ENTPD1: variants seen among roughly 807,000 people sequenced by gnomAD.
ENTPD1 encodes ATP diphosphohydrolase.
A neutral mutation model predicts 57.0 loss-of-function variants in ENTPD1; 33 were observed. The observed-to-expected ratio is 0.58, with a 90% confidence interval of 0.44 to 0.77. The LOEUF is 0.77. Among genes scored for constraint, ENTPD1 ranks in the 30% least tolerant of loss-of-function variants. The pLI, the probability that ENTPD1 is intolerant of heterozygous loss-of-function variation, is 0.00. For missense variants in ENTPD1, 501 were observed against 603.4 expected, an observed-to-expected ratio of 0.83 and a Z score of 1.78; for synonymous variants, 202 against 218.8, an observed-to-expected ratio of 0.92 and a Z score of 0.68.
chr10:95,810,771 C>A (rs1296280470), intron 1 of ENTPD1, among the ~76,000 whole-genome samples: 1 of 152,144 alleles, frequency 6.6e-6, no homozygotes, highest in Admixed American at 6.5e-5. Flanking sequence ...ATTCATCTTA[C>A]TAGTTTTGCT....
chr10:95,786,994 A>G (rs1278062015), intron 1 of ENTPD1, among the ~76,000 whole-genome samples: 1 of 152,186 alleles, frequency 6.6e-6, no homozygotes, highest in African/African-American at 2.4e-5. Context: ...ACAGCTGAGG[A>G]AACAAGGTAG....
intron 1 of ENTPD1, among the ~76,000 whole-genome samples, chr10:95,766,382 ATTTACT>A (rs2098088323): frequency 6.6e-6 from 1 of 152,146 alleles, no homozygotes; most frequent in South Asian, 2.1e-4. Flanking sequence ...GTTATCATAG[ATTTACT>A]TTTAACCTCA....
chr10:95,768,915 T>C (rs888667863), intron 1 of ENTPD1, among the ~76,000 whole-genome samples: 8 of 152,218 alleles, frequency 5.3e-5, no homozygotes, highest in Admixed American at 2.0e-4. Flanking sequence ...AAAAAGTATT[T>C]AAGGATGTAT....
At chr10:95,832,380 A>G (rs1037039806) in intron 2 of ENTPD1, among the ~76,000 whole-genome samples, 38 of 152,144 alleles carry the variant, frequency 2.5e-4, no homozygotes, top group Admixed American at 2.4e-3. Flanking sequence ...TGTGAGACAC[A>G]ATGAGAACTT....
intron 9 of ENTPD1, 91 bp downstream of exon 9, chr10:95,864,952 ATGGTGT>A (rs1566257408): frequency 1.4e-6 from 2 of 1,450,416 alleles, no homozygotes; most frequent in African/African-American, 2.8e-5. Flanking sequence ...GGGAGTCAGC[ATGGTGT>A]AGCTTTGGCT....
intron 1 of ENTPD1, among the ~76,000 whole-genome samples, chr10:95,715,526 G>A (rs925716825): frequency 2.0e-5 from 3 of 151,262 alleles, no homozygotes; most frequent in African/African-American, 4.9e-5. Context: ...TGATTAAACT[G>A]TTTAGTTCAT....
chr10:95,770,220 A>G (rs1195197903), intron 1 of ENTPD1, among the ~76,000 whole-genome samples: 1 of 148,874 alleles, frequency 6.7e-6, no homozygotes, highest in Non-Finnish European at 1.5e-5. Context: ...GAAACCGTCC[A>G]AGAAGATTGA....
Position 95,712,061 on chromosome 10 carries a change from A to G in ENTPD1, c.37+68A>G, listed in dbSNP as rs2097966156. On this transcript the variant is annotated intron_variant, in intron 1 of 9. Coordinates refer to the ENTPD1 transcript ENST00000453258. Reference sequence around the variant, plus strand: ...TGTGGAATCTGGTAGAGCCGATGGTAAAAATCACTGTTTGTCTCATTTTCA... The same window carrying G: ...TGTGGAATCTGGTAGAGCCGATGGTGAAAATCACTGTTTGTCTCATTTTCA... The G allele has an allele frequency of 3.7e-6, 6 of 1,606,024 alleles. No homozygotes were observed. The Admixed American group carries it at 6.7e-5, about 18-fold the overall frequency.
chr10:95,698,406 C>G, the ENTPD1 span, among the ~76,000 whole-genome samples: 1 of 152,230 alleles, frequency 6.6e-6, no homozygotes, highest in African/African-American at 2.4e-5. Context: ...TTGGATAACT[C>G]TCAGCCTGAC....
chr10:95,743,846 C>T (rs1482222183), intron 1 of ENTPD1, among the ~76,000 whole-genome samples: 1 of 151,062 alleles, frequency 6.6e-6, no homozygotes, highest in Non-Finnish European at 1.5e-5. Context: ...CCTAGAGTCA[C>T]CTATTTATCA....
chr10:95,809,907 C>T lies in ENTPD1; in HGVS notation c.17-13330C>T, dbSNP rs375627802. Among the ~76,000 whole-genome samples the T allele has an allele frequency of 5.6e-3, 802 of 143,024 alleles. 24 individuals are homozygous for T. Among genetic ancestry groups the T allele is most frequent in the African/African-American group, 0.019 (716 of 37,922 alleles). The allele number at this position is 143,024 out of a possible 152,430, so 93.8% of individuals were successfully genotyped here. ...GCAGAGGTGCTCCTCACTTCCCAGACGGGGCAGCTGCCGGGCAGAGGTGCT... is the reference window on the plus strand; with the variant it reads ...GCAGAGGTGCTCCTCACTTCCCAGATGGGGCAGCTGCCGGGCAGAGGTGCT... On this transcript the variant is annotated intron_variant, in intron 1 of 9. Transcript: ENST00000371205.
At chr10:95,833,113 C>T (rs2098401198) in intron 2 of ENTPD1, among the ~76,000 whole-genome samples, 1 of 152,154 alleles carries the variant, frequency 6.6e-6, no homozygotes, top group Non-Finnish European at 1.5e-5. Context: ...CTCTGATTTC[C>T]AACCTCGAAT....
chr10:95,852,398 G>A (rs1287951117), intron 7 of ENTPD1, among the ~76,000 whole-genome samples: 1 of 152,106 alleles, frequency 6.6e-6, no homozygotes, highest in Non-Finnish European at 1.5e-5. Context: ...CACTCTGATG[G>A]TAGTTTCTTT....
At chr10:95,784,443 A>G (rs1417989180) in intron 1 of ENTPD1, among the ~76,000 whole-genome samples, 3 of 152,166 alleles carry the variant, frequency 2.0e-5, no homozygotes, top group Non-Finnish European at 4.4e-5. Context: ...GGGGACTCCT[A>G]TGAGCTCCAT....
At chr10:95,698,753 A>C in the ENTPD1 span, among the ~76,000 whole-genome samples, 2 of 152,354 alleles carry the variant, frequency 1.3e-5, no homozygotes, top group Middle Eastern at 6.8e-3. Context: ...ACTGTAAGAA[A>C]TCAATTTTTT....
rs1038674186 is a variant in ENTPD1 at position 95,845,470 on chromosome 10, T to G, written c.687T>G (p.Thr229=). Residue 229 remains threonine, a synonymous_variant, in exon 6 of 10, where the codon ACT becomes ACG. Transcript: ENST00000371205. Reference sequence around the variant, plus strand: ...TCACTTTTGTACCCCAAAACCAGACTATCGAGTCCCCAGATAATGCTCTGC... The same window carrying G: ...TCACTTTTGTACCCCAAAACCAGACGATCGAGTCCCCAGATAATGCTCTGC... ...TQVTFVPQNQ[T]IESPDNALQF... 1 of 1,614,096 alleles carries G rather than the reference T, an allele frequency of 6.2e-7. No individual in the cohort carries two copies. The highest frequency in any genetic ancestry group is 8.5e-7 in the Non-Finnish European group (1 of 1,180,048).
At chr10:95,790,653 G>T (rs760478268) in intron 1 of ENTPD1, among the ~76,000 whole-genome samples, 1 of 151,840 alleles carries the variant, frequency 6.6e-6, no homozygotes, top group African/African-American at 2.4e-5. Flanking sequence ...CCTTTTTGCT[G>T]TTTTTGGAAT....
At chr10:95,770,252 AGTGAGTGTGT>A (rs987107694) in intron 1 of ENTPD1, among the ~76,000 whole-genome samples, 12 of 115,344 alleles carry the variant, frequency 1.0e-4, no homozygotes, top group African/African-American at 2.1e-4. Context: ...AGAGTGAGTG[AGTGAGTGTGT>A]GTGTGTGTGT....
At chr10:95,809,618 T>C (rs1255929493) in intron 1 of ENTPD1, among the ~76,000 whole-genome samples, 29 of 55,554 alleles carry the variant, frequency 5.2e-4, no homozygotes, top group South Asian at 4.8e-3. Flanking sequence ...GCAGAGGCGC[T>C]CCCCACCTCC....
Sources: gnomAD v4.1 joint callset for allele counts (sites outside exome capture counted in the v4.1 genomes callset) on GRCh38, gnomAD v4.1.1 for gene constraint, MANE v1.5 for transcripts, NCBI Gene and HGNC (gene_info 2026-07-23, HGNC 2026-07-21) for gene names.